The following SOX5 variants were observed in gnomAD, a reference collection of about 807,000 sequenced individuals.
SOX5 encodes the protein transcription factor SOX-5.
In SOX5, 9 loss-of-function variants were observed where a neutral mutation model predicts 92.0. The observed-to-expected ratio is 0.10, with a 90% CI of 0.06 to 0.17. The LOEUF is 0.17. SOX5 is among the 10% of genes least tolerant of loss of function. The probability of loss-of-function intolerance (pLI) is 1.00; values close to 1 mark genes in which losing one functional copy is unlikely to be tolerated. For synonymous variants in SOX5, 344 were observed against 336.3 expected (o/e 1.02, Z -0.25); for missense variants, 642 against 944.5 (o/e 0.68, Z 4.20).
intron 3 of SOX5, among the ~76,000 whole-genome samples, chr12:24,250,312 A>G (rs1478636413): frequency 2.0e-5 from 3 of 152,212 alleles, no homozygotes; most frequent in Non-Finnish European, 2.9e-5. Context: ...ATTTATGCCA[A>G]CCTATTCCAA....
At chr12:23,668,343 C>A (rs2084187607) in intron 6 of SOX5, among the ~76,000 whole-genome samples, 1 of 152,176 alleles carries the variant, frequency 6.6e-6, no homozygotes, top group African/African-American at 2.4e-5. Flanking sequence ...AATTGTTCAG[C>A]ATTCACTAAT....
intron 1 of SOX5, among the ~76,000 whole-genome samples, chr12:24,375,902 T>G (rs1332627450): frequency 1.3e-5 from 2 of 151,300 alleles, no homozygotes; most frequent in Non-Finnish European, 3.0e-5. Context: ...TTAAAAAGTC[T>G]TTTTTTTTCT....
chr12:23,557,797 A>G (rs1199850561), intron 11 of SOX5, among the ~76,000 whole-genome samples: 1 of 152,026 alleles, frequency 6.6e-6, no homozygotes, highest in Non-Finnish European at 1.5e-5. Flanking sequence ...ACCATGGTGA[A>G]ACCTTGCCTC....
intron 1 of SOX5, among the ~76,000 whole-genome samples, chr12:24,430,273 A>AGG: frequency 6.6e-6 from 1 of 152,166 alleles, no homozygotes; most frequent in South Asian, 2.1e-4. Flanking sequence ...CTTCCAGAGA[A>AGG]TCTGTCACCA....
At chr12:24,411,429 T>C (rs1253870901) in intron 1 of SOX5, among the ~76,000 whole-genome samples, 1 of 152,188 alleles carries the variant, frequency 6.6e-6, no homozygotes, top group Non-Finnish European at 1.5e-5. Context: ...TCATCAAGTA[T>C]AATGTTAGCT....
At chr12:23,882,034 C>T (rs534758513) in intron 2 of SOX5, among the ~76,000 whole-genome samples, 9 of 152,134 alleles carry the variant, frequency 5.9e-5, no homozygotes, top group East Asian at 1.9e-4. Context: ...CCACTAAAAA[C>T]GGCAGAGATA....
intron 1 of SOX5, among the ~76,000 whole-genome samples, chr12:24,447,944 G>A (rs1941726276): frequency 1.3e-5 from 2 of 152,098 alleles, no homozygotes; most frequent in African/African-American, 4.8e-5. Context: ...ACTTTGGGTG[G>A]CCAAGGCGGG....
intron 4 of SOX5, among the ~76,000 whole-genome samples, chr12:23,979,707 G>GTTTTTTTTTTTTTTTTT (rs1177945407): frequency 1.3e-5 from 1 of 77,498 alleles, no homozygotes; most frequent in African/African-American, 5.5e-5. Flanking sequence ...TGTTTTTTTT[G>GTTTTTTTTTTTTTTTTT]TTTTTTTTTT....
chr12:23,680,698 C>G (rs2086477891), intron 6 of SOX5, among the ~76,000 whole-genome samples: 1 of 151,936 alleles, frequency 6.6e-6, no homozygotes, highest in Admixed American at 6.6e-5. Flanking sequence ...AAAGGTCAGT[C>G]AATACTCTGT....
chr12:24,507,238 G>A (rs1326208478), intron 1 of SOX5, among the ~76,000 whole-genome samples: 1 of 152,028 alleles, frequency 6.6e-6, no homozygotes, highest in Admixed American at 6.6e-5. Flanking sequence ...AAATGAGGCT[G>A]TCACCACTTG....
At chr12:23,689,440 T>G (rs951324813) in intron 6 of SOX5, among the ~76,000 whole-genome samples, 1 of 152,164 alleles carries the variant, frequency 6.6e-6, no homozygotes, top group African/African-American at 2.4e-5. Context: ...GTTTATTTAC[T>G]TTTTCCCCTG....
chr12:24,156,491 A>G (rs1013850255), intron 4 of SOX5, among the ~76,000 whole-genome samples: 5 of 152,092 alleles, frequency 3.3e-5, no homozygotes, highest in Non-Finnish European at 7.4e-5. Context: ...CCTCCTTGAC[A>G]TTTTCTGTTC....
At chr12:24,465,526 A>C (rs1944130982) in intron 1 of SOX5, among the ~76,000 whole-genome samples, 1 of 152,198 alleles carries the variant, frequency 6.6e-6, no homozygotes. Context: ...AGTGCTTGCA[A>C]ACAAATGAGA....
chr12:24,484,915 A>G (rs1168617702), intron 1 of SOX5, among the ~76,000 whole-genome samples: 3 of 152,198 alleles, frequency 2.0e-5, no homozygotes, highest in Admixed American at 1.3e-4. Context: ...TTTACTAGAG[A>G]TCATTTTTAA....
At chr12:23,730,740 T>C (rs1027155665) in intron 6 of SOX5, among the ~76,000 whole-genome samples, 3 of 152,214 alleles carry the variant, frequency 2.0e-5, no homozygotes, top group African/African-American at 7.2e-5. Flanking sequence ...CAGATTCTTA[T>C]GGCATTTTCT....
At chr12:24,110,327 G>A (rs566434522) in intron 4 of SOX5, among the ~76,000 whole-genome samples, 2 of 152,218 alleles carry the variant, frequency 1.3e-5, no homozygotes, top group East Asian at 1.9e-4. Context: ...CAACAACAAC[G>A]CAGTCATCTT....
intron 1 of SOX5, among the ~76,000 whole-genome samples, chr12:24,475,993 TAAAA>T (rs71450741): frequency 1.2e-5 from 1 of 86,136 alleles, no homozygotes; most frequent in Non-Finnish European, 2.2e-5. Context: ...GAAATACATT[TAAAA>T]AAAAAAAAAA....
intron 4 of SOX5, among the ~76,000 whole-genome samples, chr12:24,187,718 C>T (rs1035618423): frequency 4.6e-5 from 7 of 152,128 alleles, no homozygotes; most frequent in African/African-American, 1.4e-4. Flanking sequence ...TACCACTTAA[C>T]TTTGAGGTTG....
chr12:23,553,246 G>C (rs1466201723), intron 11 of SOX5, among the ~76,000 whole-genome samples: 2 of 151,938 alleles, frequency 1.3e-5, no homozygotes, highest in Non-Finnish European at 2.9e-5. Context: ...TTTGTGAAGA[G>C]ACTGTCCAAC....
Sources: allele counts gnomAD v4.1 joint callset (sites outside exome capture counted in the v4.1 genomes callset), GRCh38; gene constraint gnomAD v4.1.1; transcripts MANE v1.5; gene names NCBI Gene and HGNC (gene_info 2026-07-23, HGNC 2026-07-21).